NUDT21: variants seen among roughly 807,000 people sequenced by gnomAD.
NUDT21 encodes cleavage and polyadenylation specificity factor subunit 5.
A neutral mutation model predicts 29.8 loss-of-function variants in NUDT21; 5 were observed. That is an observed-to-expected ratio of 0.17 (90% CI 0.09 to 0.35). The LOEUF (loss-of-function observed/expected upper bound fraction) is 0.35, where lower values mean the gene tolerates loss of function less well. NUDT21 is among the 10% of genes least tolerant of loss of function. The pLI, the probability that NUDT21 is intolerant of heterozygous loss-of-function variation, is 1.00. For synonymous variants in NUDT21, 113 were observed against 98.5 expected (o/e 1.15, Z -0.87); for missense variants, 76 against 276.0 (o/e 0.28, Z 5.13).
intron 4 of NUDT21, among the ~76,000 whole-genome samples, chr16:56,435,419 G>A (rs1227931149): frequency 6.6e-6 from 1 of 151,502 alleles, no homozygotes; most frequent in Non-Finnish European, 1.5e-5. Flanking sequence ...CAGCCTAAAA[G>A]CTGGTTTTTT....
At chr16:56,438,447 A>G (rs1440797111) in intron 4 of NUDT21, among the ~76,000 whole-genome samples, 6 of 152,188 alleles carry the variant, frequency 3.9e-5, no homozygotes, top group Non-Finnish European at 8.8e-5. Context: ...CACACGTGTA[A>G]GCTCGGGATC....
At position 56,429,654 on chromosome 16, in the gene NUDT21, A is replaced by G. The variant is rs533409050; in HGVS notation, c.*3058T>C. 3 of 152,364 alleles carry G rather than the reference A, an allele frequency of 2.0e-5. No homozygotes were observed. Among genetic ancestry groups the G allele is most frequent in the African/African-American group, 7.2e-5 (3 of 41,588 alleles). 9.4% of individuals were successfully genotyped at this position (152,364 alleles called of 1,614,324 possible). On this transcript the variant is annotated 3_prime_UTR_variant, in exon 7 of 7. Coordinates refer to ENST00000300291, the MANE Select transcript of NUDT21 (RefSeq NM_007006.3). The stretch of plus-strand genomic sequence containing the variant: ...TAACCCAAATAATCAGTGATGTATA[A>G]CAAGTGAAGTAAGTATGGGAAAATC...
intron 3 of NUDT21, among the ~76,000 whole-genome samples, chr16:56,441,747 C>T (rs1017587001): frequency 2.7e-4 from 41 of 152,350 alleles, no homozygotes; most frequent in African/African-American, 9.6e-4. Context: ...TATCTCCTTA[C>T]TTGTTCAACT....
rs190566013 is a variant in NUDT21, at chr16:56,447,315, C to T, written c.317+474G>A. Among the ~76,000 whole-genome samples the T allele has an allele frequency of 2.3e-4, 35 of 152,274 alleles. 1 individual carries two copies. The East Asian group carries it at 6.7e-3, about 29-fold the overall frequency. On this transcript the variant is annotated intron_variant, in intron 2 of 6. Transcript: ENST00000300291. ...AAAGAATGGGAAACTTTTTCAAGAA[C>T]GTCATCTAAGTATTGGAGACTTTTC...
In NUDT21 at chr16:56,447,018, G is replaced by A. The variant is rs114185100; in HGVS notation, c.318-329C>T. On this transcript the variant is annotated intron_variant, in intron 2 of 6. Coordinates refer to ENST00000300291, the MANE Select transcript of NUDT21 (RefSeq NM_007006.3). Reference sequence around the variant, plus strand: ...TTCTAGTGAACCCATCACTGAAACAGTGAACATAACATCCAATAGGAAGTA... The same window carrying A: ...TTCTAGTGAACCCATCACTGAAACAATGAACATAACATCCAATAGGAAGTA... 1,655 of 202,446 alleles carry A rather than the reference G, an allele frequency of 8.2e-3. 26 individuals carry two copies. The highest frequency in any genetic ancestry group is 0.034 in the African/African-American group (1,474 of 43,172). The allele number at this position is 202,446 out of a possible 1,614,324, so 12.5% of individuals were successfully genotyped here. A position where few individuals can be genotyped will look rare whatever the true frequency, so the allele number is the denominator to read the frequency against.
chr16:56,434,550 G>C (rs1304949255), intron 5 of NUDT21, 105 bp from the exon 6 acceptor site: 1 of 818,040 alleles, frequency 1.2e-6, no homozygotes, highest in African/African-American at 1.7e-5. Context: ...TAAGAAAAAA[G>C]ATAATTCTCA....
intron 1 of NUDT21, 134 bp from the exon 2 acceptor site, chr16:56,448,123 T>A (rs1596958153): frequency 1.4e-6 from 1 of 697,822 alleles, no homozygotes; most frequent in Non-Finnish European, 2.4e-6. Context: ...TACAGTTAAC[T>A]AAAGTTAATG....
chr16:56,444,429 T>G lies in NUDT21; in HGVS notation c.381+2197A>C, dbSNP rs572786597. Among the ~76,000 whole-genome samples the G allele has an allele frequency of 3.3e-5, 5 of 151,374 alleles. No homozygotes were observed. The South Asian group carries it at 6.3e-4, about 19-fold the overall frequency. ...TGAAACCCCATCTCTACTAAAAATA[T>G]AAAAATTAGCTGGGCATGGTAGTGG... On this transcript the variant is annotated intron_variant, in intron 3 of 6. Coordinates refer to ENST00000300291, the MANE Select transcript of NUDT21 (RefSeq NM_007006.3).
chr16:56,450,909 C>G (rs559466775), intron 1 of NUDT21, among the ~76,000 whole-genome samples, 178 bp downstream of exon 1: 16 of 152,282 alleles, frequency 1.1e-4, no homozygotes, highest in African/African-American at 3.8e-4. Flanking sequence ...GACTCTAACC[C>G]TGGAGGCTGG....
intron 3 of NUDT21, among the ~76,000 whole-genome samples, 185 bp from the exon 4 acceptor site, chr16:56,439,931 A>G (rs1186257287): frequency 6.6e-6 from 1 of 152,262 alleles, no homozygotes; most frequent in African/African-American, 2.4e-5. Flanking sequence ...ATATTAGTTC[A>G]AAACTGGCAA....
intron 4 of NUDT21, chr16:56,439,096 T>A (rs1314867313): frequency 1.3e-5 from 2 of 153,050 alleles, no homozygotes; most frequent in African/African-American, 4.8e-5. Flanking sequence ...GGTTGTGATG[T>A]GCTAACTGTT....
rs1192756094 is a variant in NUDT21, at chr16:56,431,995, A to C, written c.*717T>G. On this transcript the variant is annotated 3_prime_UTR_variant, in exon 7 of 7. Transcript: ENST00000300291. ...CCATGGCTTTAAGAATAAGACACAT[A>C]ATTTCGCAACAGCACAAATAATTAA... 1 of 152,168 alleles carries C rather than the reference A, an allele frequency of 6.6e-6. No individual in the cohort carries two copies. The highest frequency in any genetic ancestry group is 1.5e-5 in the Non-Finnish European group (1 of 68,018). 9.4% of individuals were successfully genotyped at this position (152,168 alleles called of 1,614,324 possible).
At position 56,444,626 on chromosome 16, in the gene NUDT21, A is replaced by C. The variant is rs568329220; in HGVS notation, c.381+2000T>G. On this transcript the variant is annotated intron_variant, in intron 3 of 6. Coordinates refer to ENST00000300291, the MANE Select transcript of NUDT21 (RefSeq NM_007006.3). The stretch of plus-strand genomic sequence containing the variant: ...AAAAAAAAAAAAACAAAAACAAAAA[A>C]AAAAAAAAACAAGCCTAATTGTTAA... Among the ~76,000 whole-genome samples the C allele has an allele frequency of 6.8e-3, 1,010 of 148,908 alleles. 13 individuals carry two copies. Among genetic ancestry groups the C allele is most frequent in the African/African-American group, 0.022 (883 of 40,850 alleles).
chr16:56,448,459 T>C (rs1962243639), intron 1 of NUDT21, among the ~76,000 whole-genome samples: 1 of 152,228 alleles, frequency 6.6e-6, no homozygotes, highest in South Asian at 2.1e-4. Flanking sequence ...CCAGTTATTT[T>C]CTATTTCTCT....
At chr16:56,446,972 G>GC in intron 2 of NUDT21, 1 of 267,366 alleles carries the variant, frequency 3.7e-6, no homozygotes, top group Non-Finnish European at 7.0e-6. Flanking sequence ...TAGGTATATT[G>GC]TGTAATGCTA....
rs948814535 is a variant in NUDT21, at chr16:56,451,216, G to A, written c.-14C>T. ...TACCACAGACATGCTGGCGAGCTCCGGCGCTGACGGCGAGCAGAAAGTGGC... is the reference window on the plus strand; with the variant it reads ...TACCACAGACATGCTGGCGAGCTCCAGCGCTGACGGCGAGCAGAAAGTGGC... On this transcript the variant is annotated 5_prime_UTR_variant, in exon 1 of 7. Coordinates refer to ENST00000300291, the MANE Select transcript of NUDT21 (RefSeq NM_007006.3). The A allele has an allele frequency of 1.9e-6, 3 of 1,573,224 alleles. No individual in the cohort carries two copies. The highest frequency in any genetic ancestry group is 1.1e-5 in the South Asian group (1 of 87,356).
chr16:56,448,043 T>A, intron 1 of NUDT21, 54 bp from the exon 2 acceptor site: 1 of 1,478,890 alleles, frequency 6.8e-7, no homozygotes, highest in Non-Finnish European at 9.4e-7. Context: ...TAATTTACCA[T>A]GACAGACATT....
chr16:56,450,142 C>T (rs1414903878), intron 1 of NUDT21, among the ~76,000 whole-genome samples: 4 of 152,166 alleles, frequency 2.6e-5, no homozygotes, highest in Non-Finnish European at 4.4e-5. Flanking sequence ...CAAATCCTTG[C>T]ACTTGTACCC....
intron 3 of NUDT21, among the ~76,000 whole-genome samples, chr16:56,440,522 T>C (rs1414630165): frequency 1.3e-5 from 2 of 152,176 alleles, no homozygotes; most frequent in African/African-American, 4.8e-5. Flanking sequence ...TTCCTTGTGT[T>C]TGATGATCTT....
Sources: allele counts gnomAD v4.1 joint callset (sites outside exome capture counted in the v4.1 genomes callset), GRCh38; gene constraint gnomAD v4.1.1; transcripts MANE v1.5; gene names NCBI Gene and HGNC (gene_info 2026-07-23, HGNC 2026-07-21).